SLC25A13: variants seen among roughly 807,000 people sequenced by gnomAD.
SLC25A13 encodes electrogenic aspartate/glutamate antiporter SLC25A13, mitochondrial.
In SLC25A13, 70 loss-of-function variants were observed where a neutral mutation model predicts 85.5. The observed-to-expected ratio is 0.82, with a 90% CI of 0.68 to 1.00. The LOEUF is 1.00. SLC25A13 is among the 50% of genes least tolerant of loss of function. SLC25A13 has a pLI of 0.00. For missense variants in SLC25A13, 765 were observed against 819.8 expected (o/e 0.93, Z 0.82); for synonymous variants, 259 against 288.7 (o/e 0.90, Z 1.04).
In SLC25A13 at chr7:96,121,382, A is replaced by T. The variant is rs754663847; in HGVS notation, c.1842-5T>A. ...GGCTCTGATCCCATGGGTTTTCTAA[A>T]AGAAGAGAAAACAGAGTAAGAAGCT... On this transcript the variant is annotated splice_polypyrimidine_tract_variant and splice_region_variant and intron_variant, in intron 17 of 17. Transcript: ENST00000265631. 1 of 1,614,094 alleles carries T rather than the reference A, an allele frequency of 6.2e-7. No individual in the cohort carries two copies. The highest frequency in any genetic ancestry group is 8.5e-7 in the Non-Finnish European group (1 of 1,179,928).
intron 13 of SLC25A13, among the ~76,000 whole-genome samples, chr7:96,147,455 C>T (rs1584372513): frequency 6.6e-6 from 1 of 152,150 alleles, no homozygotes; most frequent in African/African-American, 2.4e-5. Context: ...TGCCTCACCT[C>T]CAAGATCATC....
At chr7:96,150,522 A>C (rs1354349443) in intron 13 of SLC25A13, among the ~76,000 whole-genome samples, 1 of 152,182 alleles carries the variant, frequency 6.6e-6, no homozygotes, top group East Asian at 1.9e-4. Flanking sequence ...TTGAAGTCCT[A>C]ACTCTCAAAT....
intron 9 of SLC25A13, among the ~76,000 whole-genome samples, chr7:96,188,635 A>T (rs537302022): frequency 6.6e-6 from 1 of 152,342 alleles, no homozygotes; most frequent in South Asian, 2.1e-4. Flanking sequence ...TCTAATCCTG[A>T]TCTACAGAAA....
At chr7:96,126,051 T>C (rs1791714662) in intron 15 of SLC25A13, among the ~76,000 whole-genome samples, 1 of 152,168 alleles carries the variant, frequency 6.6e-6, no homozygotes, top group Non-Finnish European at 1.5e-5. Flanking sequence ...TCTGGTTGTC[T>C]ATTGATATTA....
intron 13 of SLC25A13, among the ~76,000 whole-genome samples, chr7:96,168,120 A>AGG (rs1793842351): frequency 6.9e-6 from 1 of 145,752 alleles, no homozygotes; most frequent in Non-Finnish European, 1.5e-5. Context: ...AAAAAAAAAA[A>AGG]AAAAAAAAAG....
At chr7:96,283,555 GC>G (rs1024210580) in intron 2 of SLC25A13, 1 of 346,948 alleles carries the variant, frequency 2.9e-6, no homozygotes, top group Non-Finnish European at 5.7e-6. Context: ...AGTCTACAAT[GC>G]CCCCAGCATG....
intron 4 of SLC25A13, among the ~76,000 whole-genome samples, chr7:96,209,613 CCAAGAGTTCT>C (rs575396597): frequency 6.7e-4 from 102 of 152,118 alleles, no homozygotes; most frequent in African/African-American, 2.4e-3. Context: ...TTGGCTTGAC[CCAAGAGTTCT>C]CAAATTGTTC....
intron 3 of SLC25A13, among the ~76,000 whole-genome samples, chr7:96,268,251 T>C (rs6957658): frequency 0.56 from 85,931 of 152,110 alleles, 25,819 homozygotes; most frequent in Non-Finnish European, 0.67. Context: ...ATAGAACGTG[T>C]GCAAAGATCA....
Position 96,193,104 on chromosome 7 carries a change from A to G in SLC25A13, c.548T>C (p.Phe183Ser). The G allele has an allele frequency of 1.2e-6, 2 of 1,614,146 alleles. No individual in the cohort carries two copies. Among genetic ancestry groups the G allele is most frequent in the Non-Finnish European group, 1.7e-6 (2 of 1,180,012 alleles). The change falls in exon 6 of 18, where the codon TTC becomes TCC. Residue 183 changes from phenylalanine (F) to serine (S), a missense_variant. By Grantham distance (155) the Phe-to-Ser change is radical (BLOSUM62 -2). Coordinates refer to ENST00000265631, the MANE Select transcript of SLC25A13 (RefSeq NM_014251.3). ...GCGGATGGTGACCATGATGTCTCGG[A>G]AGTCGATGGCTGTGACTCTCCCAGT... ...ARTGRVTAID[F>S]RDIMVTIRPH...
intron 3 of SLC25A13, among the ~76,000 whole-genome samples, chr7:96,272,304 G>A (rs886956151): frequency 6.6e-5 from 10 of 152,002 alleles, no homozygotes; most frequent in South Asian, 2.1e-4. Context: ...CAAAATTTTC[G>A]CAGAGAGAGA....
At chr7:96,188,071 G>T (rs1285740793) in intron 9 of SLC25A13, among the ~76,000 whole-genome samples, 1 of 151,586 alleles carries the variant, frequency 6.6e-6, no homozygotes, top group Non-Finnish European at 1.5e-5. Context: ...GAGTAGGAGG[G>T]ATCTAAAAAA....
rs542886346 is a variant in SLC25A13, at chr7:96,307,876, G to T, written c.16-10925C>A. ...TTAAATCTGACTCCACTGCGGCCGGGCGCAGTGGCTCACGCCTGTAATCCC... is the reference window on the plus strand; with the variant it reads ...TTAAATCTGACTCCACTGCGGCCGGTCGCAGTGGCTCACGCCTGTAATCCC... On this transcript the variant is annotated intron_variant, in intron 1 of 17. Coordinates refer to ENST00000265631, the MANE Select transcript of SLC25A13 (RefSeq NM_014251.3). Among the ~76,000 whole-genome samples, 6 of 152,058 alleles carry T rather than the reference G, an allele frequency of 3.9e-5. No homozygotes were observed. In the East Asian group the frequency reaches 5.8e-4, roughly 15 times the overall value.
chr7:96,148,598 T>G (rs182936007), intron 13 of SLC25A13, among the ~76,000 whole-genome samples: 11 of 152,286 alleles, frequency 7.2e-5, no homozygotes, highest in Non-Finnish European at 1.6e-4. Flanking sequence ...GAATAGAAAT[T>G]TAAAATGTAA....
chr7:96,210,543 C>T (rs1795651488), intron 4 of SLC25A13, among the ~76,000 whole-genome samples: 1 of 152,126 alleles, frequency 6.6e-6, no homozygotes, highest in African/African-American at 2.4e-5. Flanking sequence ...TCACCATGTG[C>T]CAAGTATTGT....
In SLC25A13 at chr7:96,221,058, G is replaced by A. The variant is rs371602166; in HGVS notation, c.329-12081C>T. On this transcript the variant is annotated intron_variant, in intron 4 of 17. Coordinates refer to ENST00000265631, the MANE Select transcript of SLC25A13 (RefSeq NM_014251.3). ...ATATTTTAGCCATTTGAGCACGGGC[G>A]ATTCTTAAATTATCCCACCAACTGG... 3.7e-4 allele frequency among the ~76,000 whole-genome samples: 57 copies of A among 152,276 alleles called. No homozygotes were observed. In the South Asian group the frequency reaches 9.7e-3, roughly 26 times the overall value.
At chr7:96,172,158 G>A (rs1024459520) in intron 11 of SLC25A13, among the ~76,000 whole-genome samples, 1 of 152,184 alleles carries the variant, frequency 6.6e-6, no homozygotes, top group African/African-American at 2.4e-5. Flanking sequence ...TCTTCCTAAA[G>A]GAGCAGCCTG....
chr7:96,142,939 A>C (rs1336459313), intron 14 of SLC25A13, among the ~76,000 whole-genome samples: 1 of 152,240 alleles, frequency 6.6e-6, no homozygotes, highest in East Asian at 1.9e-4. Flanking sequence ...TATATGGATA[A>C]AAATATCTTT....
At chr7:96,122,325 C>T (rs182632203) in intron 15 of SLC25A13, among the ~76,000 whole-genome samples, 11 of 152,226 alleles carry the variant, frequency 7.2e-5, no homozygotes, top group South Asian at 2.1e-4. Flanking sequence ...GTGGAGAAAG[C>T]GGTTTTCTTT....
rs139060781 is a variant in SLC25A13, at chr7:96,178,429, A to T, written c.1177+5848T>A. Among the ~76,000 whole-genome samples, 113 of 152,302 alleles carry T rather than the reference A, an allele frequency of 7.4e-4. 1 individual carries two copies. Among genetic ancestry groups the T allele is most frequent in the East Asian group, 2.3e-3 (12 of 5,166 alleles). ...AGAAAGACAGCTGAGAGCATCTAATAGAGGGCAGAAGGTATTCAGGGCAGA... is the reference window on the plus strand; with the variant it reads ...AGAAAGACAGCTGAGAGCATCTAATTGAGGGCAGAAGGTATTCAGGGCAGA... On this transcript the variant is annotated intron_variant, in intron 11 of 17. Transcript: ENST00000265631.
Sources: allele counts gnomAD v4.1 joint callset (sites outside exome capture counted in the v4.1 genomes callset), GRCh38; gene constraint gnomAD v4.1.1; transcripts MANE v1.5; gene names NCBI Gene and HGNC (gene_info 2026-07-23, HGNC 2026-07-21).